The following PPP1R1C variants were observed in gnomAD, a reference collection of about 807,000 sequenced individuals.
PPP1R1C encodes protein phosphatase 1 regulatory subunit 1C.
In PPP1R1C, 15 loss-of-function variants were observed where a neutral mutation model predicts 17.4. That is an observed-to-expected ratio of 0.86 (90% CI 0.58 to 1.33). The LOEUF is 1.33. Among genes scored for constraint, PPP1R1C ranks in the 40% most tolerant of loss-of-function variants. PPP1R1C has a pLI of 0.00. For missense variants in PPP1R1C, 143 were observed against 130.0 expected (o/e 1.10, Z -0.48); for synonymous variants, 35 against 43.1 (o/e 0.81, Z 0.73).
intron 4 of PPP1R1C, among the ~76,000 whole-genome samples, chr2:182,080,315 G>A (rs1298153549): frequency 1.3e-5 from 2 of 152,164 alleles, no homozygotes; most frequent in Non-Finnish European, 2.9e-5. Flanking sequence ...AAAACCAGGG[G>A]ATCCTCCAAT....
intron 2 of PPP1R1C, among the ~76,000 whole-genome samples, chr2:182,036,808 A>G (rs1488731214): frequency 6.6e-6 from 1 of 152,176 alleles, no homozygotes; most frequent in East Asian, 1.9e-4. Context: ...TACATGTACT[A>G]TTAAATGACA....
At chr2:182,127,332 G>T (rs1038163006) in intron 5 of PPP1R1C, among the ~76,000 whole-genome samples, 6 of 151,940 alleles carry the variant, frequency 3.9e-5, no homozygotes, top group Non-Finnish European at 7.4e-5. Context: ...GAGGCCTAGA[G>T]AATTTTTCTT....
chr2:182,026,769 G>C (rs1346382050), intron 2 of PPP1R1C, among the ~76,000 whole-genome samples: 1 of 151,010 alleles, frequency 6.6e-6, no homozygotes, highest in African/African-American at 2.4e-5. Context: ...AGCTTGATGG[G>C]GATGGCATTG....
chr2:182,087,819 C>T (rs964766920), intron 4 of PPP1R1C, among the ~76,000 whole-genome samples: 1 of 152,166 alleles, frequency 6.6e-6, no homozygotes, highest in Non-Finnish European at 1.5e-5. Flanking sequence ...TTTATAATAT[C>T]ATGTATTTTT....
chr2:182,080,328 CT>C (rs1176387245), intron 4 of PPP1R1C, among the ~76,000 whole-genome samples: 1 of 152,200 alleles, frequency 6.6e-6, no homozygotes, highest in Non-Finnish European at 1.5e-5. Context: ...CCTCCAATTC[CT>C]GTAAATGGTA....
chr2:182,128,390 T>G (rs1196076), intron 5 of PPP1R1C, among the ~76,000 whole-genome samples: 104,953 of 151,808 alleles, frequency 0.69, 36,685 homozygotes, highest in African/African-American at 0.8. Context: ...CGTGGAGAAT[T>G]ATATAATAGA....
chr2:182,031,267 C>T (rs1223843532), intron 2 of PPP1R1C, among the ~76,000 whole-genome samples: 1 of 152,196 alleles, frequency 6.6e-6, no homozygotes, highest in East Asian at 1.9e-4. Flanking sequence ...GTTTATGTAA[C>T]AAGAATTATC....
At chr2:181,972,540 A>G (rs1403865526) in intron 1 of PPP1R1C, among the ~76,000 whole-genome samples, 1 of 152,206 alleles carries the variant, frequency 6.6e-6, no homozygotes, top group East Asian at 1.9e-4. Flanking sequence ...GGATTGAGCA[A>G]CAAAGCACTT....
Position 182,063,961 on chromosome 2 carries a change from C to G in PPP1R1C, c.241+170C>G, listed in dbSNP as rs1242674192. On this transcript the variant is annotated intron_variant, in intron 4 of 4. Coordinates refer to ENST00000682840, the MANE Select transcript of PPP1R1C (RefSeq NM_001080545.3). Reference sequence around the variant, plus strand: ...TTATCTACTTAAAACTTAGTTTCATCAAGAGTAAAATATGGGGTTGAAAAA... The same window carrying G: ...TTATCTACTTAAAACTTAGTTTCATGAAGAGTAAAATATGGGGTTGAAAAA... 1.0e-5 allele frequency: 5 copies of G among 496,678 alleles called. 1 individual carries two copies. Among genetic ancestry groups the G allele is most frequent in the Non-Finnish European group, 1.1e-5 (3 of 272,774 alleles). 30.8% of individuals were successfully genotyped at this position (496,678 alleles called of 1,614,324 possible).
intron 4 of PPP1R1C, among the ~76,000 whole-genome samples, chr2:182,093,386 G>A (rs1419844847): frequency 6.6e-6 from 1 of 152,180 alleles, no homozygotes; most frequent in African/African-American, 2.4e-5. Flanking sequence ...GCCTGTGATG[G>A]GAAAGGCTGC....
intron 1 of PPP1R1C, among the ~76,000 whole-genome samples, chr2:181,969,163 A>C (rs1284065134): frequency 2.0e-5 from 3 of 152,130 alleles, no homozygotes; most frequent in Non-Finnish European, 4.4e-5. Flanking sequence ...GTATTATAAT[A>C]TTCTGTTTTT....
intron 2 of PPP1R1C, among the ~76,000 whole-genome samples, chr2:182,023,507 A>T (rs1025399089): frequency 2.6e-5 from 4 of 152,212 alleles, no homozygotes; most frequent in Non-Finnish European, 4.4e-5. Context: ...AAAAGAAAAC[A>T]ACAAAAACAA....
chr2:182,089,851 C>T (rs1211260976), intron 4 of PPP1R1C, among the ~76,000 whole-genome samples: 2 of 151,896 alleles, frequency 1.3e-5, no homozygotes, highest in Non-Finnish European at 2.9e-5. Context: ...ATTTTGTTCT[C>T]CAGGTAAATA....
At chr2:182,012,714 T>TGAA (rs1444101123) in intron 2 of PPP1R1C, among the ~76,000 whole-genome samples, 1 of 152,066 alleles carries the variant, frequency 6.6e-6, no homozygotes, top group African/African-American at 2.4e-5. Flanking sequence ...TGAAGGTGAT[T>TGAA]TTTCTCTGGT....
At chr2:182,081,792 A>G (rs1688486817) in intron 4 of PPP1R1C, among the ~76,000 whole-genome samples, 1 of 152,312 alleles carries the variant, frequency 6.6e-6, no homozygotes, top group Non-Finnish European at 1.5e-5. Context: ...CATCACGTAC[A>G]CCTCATATCC....
At chr2:182,031,906 A>G (rs1158178810) in intron 2 of PPP1R1C, among the ~76,000 whole-genome samples, 1 of 152,224 alleles carries the variant, frequency 6.6e-6, no homozygotes, top group Non-Finnish European at 1.5e-5. Flanking sequence ...AAATTGTACC[A>G]TATCTTATTT....
chr2:182,107,632 C>T lies in PPP1R1C; in HGVS notation c.242-9575C>T, dbSNP rs138677578. On this transcript the variant is annotated intron_variant, in intron 4 of 4. Coordinates refer to ENST00000682840, the MANE Select transcript of PPP1R1C (RefSeq NM_001080545.3). The stretch of plus-strand genomic sequence containing the variant: ...TATTTTGAACTCATGACTACAGAAC[C>T]TCTGATGGGCACTTAGTACTTTCTG... 6.6e-5 allele frequency among the ~76,000 whole-genome samples: 10 copies of T among 152,252 alleles called. No homozygotes were observed. In the East Asian group the frequency reaches 1.9e-3, roughly 29 times the overall value.
chr2:182,024,531 T>C (rs1686531982), intron 2 of PPP1R1C, among the ~76,000 whole-genome samples: 1 of 152,168 alleles, frequency 6.6e-6, no homozygotes, highest in African/African-American at 2.4e-5. Flanking sequence ...TGAAATTTAC[T>C]AACTTCTAGA....
chr2:182,056,819 T>C (rs543767696), intron 2 of PPP1R1C, among the ~76,000 whole-genome samples: 3 of 152,176 alleles, frequency 2.0e-5, no homozygotes, highest in East Asian at 3.8e-4. Flanking sequence ...GAAATAGATA[T>C]CTTCTCAATC....
Sources: allele counts gnomAD v4.1 joint callset (sites outside exome capture counted in the v4.1 genomes callset), GRCh38; gene constraint gnomAD v4.1.1; transcripts MANE v1.5; gene names NCBI Gene and HGNC (gene_info 2026-07-23, HGNC 2026-07-21).